TET2: variants seen among roughly 807,000 people sequenced by gnomAD.
TET2 encodes methylcytosine dioxygenase TET2.
In TET2, 299 loss-of-function variants were observed where a neutral mutation model predicts 142.9. The ratio of observed to expected loss-of-function variants is 2.09; its 90% confidence interval spans 1.90 to 2.30. The LOEUF is 2.30. TET2 is among the 30% of genes most tolerant of loss of function. The pLI is 0.00. For synonymous variants in TET2, 819 were observed against 849.0 expected (o/e 0.96, Z 0.61); for missense variants, 2,418 against 2,378.0 (o/e 1.02, Z -0.35).
intron 1 of TET2, among the ~76,000 whole-genome samples, chr4:105,170,656 G>C (rs1401744130): frequency 6.6e-6 from 1 of 152,166 alleles, no homozygotes; most frequent in Non-Finnish European, 1.5e-5. Context: ...GGATCCATGA[G>C]GAATAGCTGA....
intron 2 of TET2, among the ~76,000 whole-genome samples, chr4:105,203,702 C>T (rs1420812495): frequency 1.3e-5 from 2 of 152,154 alleles, no homozygotes; most frequent in Non-Finnish European, 2.9e-5. Context: ...TAGCACAATG[C>T]TGCCATACGG....
intron 1 of TET2, among the ~76,000 whole-genome samples, chr4:105,167,423 ATATG>A (rs1177105557): frequency 3.9e-5 from 6 of 151,946 alleles, no homozygotes; most frequent in Non-Finnish European, 7.4e-5. Flanking sequence ...ATATACATGT[ATATG>A]TAGTATATGT....
intron 1 of TET2, among the ~76,000 whole-genome samples, chr4:105,167,416 T>A (rs946910086): frequency 4.6e-5 from 7 of 151,904 alleles, no homozygotes; most frequent in African/African-American, 1.7e-4. Context: ...ATGCTACATA[T>A]ACATGTATAT....
chr4:105,262,578 C>CTGTCT (rs1230009206), intron 8 of TET2, among the ~76,000 whole-genome samples: 1 of 152,140 alleles, frequency 6.6e-6, no homozygotes, highest in African/African-American at 2.4e-5. Context: ...CCATCTCTGT[C>CTGTCT]TGTCTTTAAG....
chr4:105,237,003 C>T lies in TET2; in HGVS notation c.3061C>T (p.Gln1021Ter), dbSNP rs1279700648. Reference sequence around the variant, plus strand: ...ACCTGCAAGCTGTGATAATGTGCAGCAAAAGAGCATCATTGAGACCATGGA... The same window carrying T: ...ACCTGCAAGCTGTGATAATGTGCAGTAAAAGAGCATCATTGAGACCATGGA... ...NPPASCDNVQ[Q>*]KSIIETMEQH... Residue 1021 changes from glutamine to a stop codon, truncating the protein, a stop_gained, in exon 3 of 11, where the codon CAA (glutamine) becomes TAA (stop). Coordinates refer to ENST00000380013, the MANE Select transcript of TET2 (RefSeq NM_001127208.3). LOFTEE classifies it high-confidence loss of function. The T allele has an allele frequency of 6.2e-7, 1 of 1,614,134 alleles. No individual in the cohort carries two copies. The highest frequency in any genetic ancestry group is 1.1e-5 in the South Asian group (1 of 91,084).
intron 2 of TET2, among the ~76,000 whole-genome samples, chr4:105,233,073 G>T (rs1288627404): frequency 6.6e-6 from 1 of 152,040 alleles, no homozygotes; most frequent in Non-Finnish European, 1.5e-5. Flanking sequence ...GGGGCTAGGG[G>T]AGGAGAACCC....
chr4:105,237,668 T>A, intron 3 of TET2: 1 of 1,350,878 alleles, frequency 7.4e-7, no homozygotes, highest in Non-Finnish European at 9.6e-7. Flanking sequence ...GTATATTATC[T>A]CCTGGAGAGA....
At chr4:105,248,541 GCTAATT>G in intron 6 of TET2, among the ~76,000 whole-genome samples, 1 of 151,662 alleles carries the variant, frequency 6.6e-6, no homozygotes, top group South Asian at 2.1e-4. Context: ...ACTGTCATGT[GCTAATT>G]CTAACAATAT....
intron 6 of TET2, among the ~76,000 whole-genome samples, chr4:105,246,322 G>T (rs997130564): frequency 6.6e-6 from 1 of 152,178 alleles, no homozygotes; most frequent in Non-Finnish European, 1.5e-5. Context: ...TGAAAACCAT[G>T]AAAAATAGTT....
Position 105,275,441 on chromosome 4 carries a change from C to A in TET2, c.4931C>A (p.Pro1644Gln). 6.4e-7 allele frequency: 1 copy of A among 1,551,664 alleles called. No individual in the cohort carries two copies. Among genetic ancestry groups the A allele is most frequent in the Non-Finnish European group, 8.7e-7 (1 of 1,146,968 alleles). Reference sequence around the variant, plus strand: ...AACCTATCAGTGGACAACTGCTCCCCATATCTGGGTTCCTATTCTCCCCAG... The same window carrying A: ...AACCTATCAGTGGACAACTGCTCCCAATATCTGGGTTCCTATTCTCCCCAG... ...NGNLSVDNCSPYLGSYSPQSQ... is the reference protein window; with the variant it reads ...NGNLSVDNCSQYLGSYSPQSQ... The change falls in exon 11 of 11, where the codon CCA (proline) becomes CAA (glutamine). Residue 1644 changes from proline to glutamine, a missense_variant. Pro to Gln is a moderately conservative substitution (Grantham distance 76). Coordinates refer to ENST00000380013, the MANE Select transcript of TET2 (RefSeq NM_001127208.3).
intron 6 of TET2, among the ~76,000 whole-genome samples, chr4:105,247,676 T>G (rs978719962): frequency 2.0e-5 from 3 of 151,898 alleles, no homozygotes; most frequent in Non-Finnish European, 4.4e-5. Context: ...CCCCAGTATC[T>G]TCTGTGGACT....
chr4:105,152,002 G>A (rs1723326926), intron 1 of TET2, among the ~76,000 whole-genome samples: 2 of 151,762 alleles, frequency 1.3e-5, no homozygotes, highest in Admixed American at 6.6e-5. Flanking sequence ...TTGAGCCTGG[G>A]CATGGTGGCT....
rs111948941 is a variant in TET2, at chr4:105,234,042, C to T, written c.100C>T (p.Leu34Phe). ...ICQTEPLATK[L>F]QNGSPLPERA... ...CCAGACAGAACCTCTGGCTACAAAG[C>T]TCCAGAATGGAAGCCCACTGCCTGA... is the stretch of plus-strand genomic sequence containing the variant. The change falls in exon 3 of 11, where the codon CTC becomes TTC. Residue 34 changes from leucine (L) to phenylalanine (F), a missense_variant. Coordinates refer to ENST00000380013, the MANE Select transcript of TET2 (RefSeq NM_001127208.3). 27,045 of 1,614,044 alleles carry T rather than the reference C, an allele frequency of 0.017. 305 individuals are homozygous for T. The highest frequency in any genetic ancestry group is 0.026 in the Middle Eastern group (156 of 6,062).
At chr4:105,209,049 G>GTATATATATATATATATA (rs36045001) in intron 2 of TET2, among the ~76,000 whole-genome samples, 2 of 44,314 alleles carry the variant, frequency 4.5e-5, no homozygotes, top group Non-Finnish European at 8.2e-5. Flanking sequence ...TCAAGGCATG[G>GTATATATATATATATATA]TATATATATA....
chr4:105,241,085 G>A, intron 3 of TET2: 1 of 1,092,452 alleles, frequency 9.2e-7, no homozygotes, highest in Non-Finnish European at 1.1e-6. Flanking sequence ...TCATTTATTT[G>A]GTTTAAAATA....
At chr4:105,250,828 C>T (rs925720341) in intron 6 of TET2, among the ~76,000 whole-genome samples, 4 of 151,900 alleles carry the variant, frequency 2.6e-5, no homozygotes, top group African/African-American at 4.8e-5. Context: ...TACAGGTGCG[C>T]GCCACCATGC....
At chr4:105,199,638 C>G (rs562500581) in intron 2 of TET2, among the ~76,000 whole-genome samples, 12 of 152,092 alleles carry the variant, frequency 7.9e-5, no homozygotes, top group African/African-American at 2.9e-4. Flanking sequence ...ATTTCATCAC[C>G]CAGGTATTAA....
At chr4:105,174,833 A>C (rs1724685687) in intron 1 of TET2, among the ~76,000 whole-genome samples, 1 of 152,226 alleles carries the variant, frequency 6.6e-6, no homozygotes, top group Non-Finnish European at 1.5e-5. Context: ...CCTGCTCTCA[A>C]GTGAAACTAT....
At chr4:105,259,285 T>C (rs1262299650) in intron 6 of TET2, among the ~76,000 whole-genome samples, 2 of 152,204 alleles carry the variant, frequency 1.3e-5, no homozygotes, top group African/African-American at 4.8e-5. Context: ...AAGTTACTGT[T>C]AGGGAGACAG....
Sources: allele counts gnomAD v4.1 joint callset (sites outside exome capture counted in the v4.1 genomes callset), GRCh38; gene constraint gnomAD v4.1.1; transcripts MANE v1.5; gene names NCBI Gene and HGNC (gene_info 2026-07-23, HGNC 2026-07-21).